The following ASB13 variants were observed in gnomAD, a reference collection of about 807,000 sequenced individuals.
The protein encoded by ASB13 is ankyrin repeat and SOCS box protein 13.
A neutral mutation model predicts 28.8 loss-of-function variants in ASB13; 33 were observed. The ratio of observed to expected loss-of-function variants is 1.15; its 90% CI spans 0.87 to 1.53. The LOEUF is 1.53. ASB13 is among the 40% of genes most tolerant of loss of function. The pLI is 0.00. For missense variants in ASB13, 414 were observed against 390.1 expected (o/e 1.06, Z -0.52); for synonymous variants, 182 against 172.9 (o/e 1.05, Z -0.41).
rs1030860907 is a variant in ASB13 at position 5,661,990 on chromosome 10, C to A, written c.43+4519G>T. On this transcript the variant is annotated intron_variant, in intron 1 of 5. Coordinates refer to ENST00000357700, the MANE Select transcript of ASB13 (RefSeq NM_024701.4). This position sits in a 1 kb window ranked among gnomAD's most constrained non-coding sequence, Gnocchi z 4.9. Reference sequence around the variant, plus strand: ...TGAGGGTGGGCCCTCCACCCTGACCCACCCATAAAGCCGGGCTGGGGCGGG... The same window carrying A: ...TGAGGGTGGGCCCTCCACCCTGACCAACCCATAAAGCCGGGCTGGGGCGGG... Among the ~76,000 whole-genome samples the A allele has an allele frequency of 6.6e-6, 1 of 152,152 alleles. No individual in the cohort carries two copies. The highest frequency in any genetic ancestry group is 1.5e-5 in the Non-Finnish European group (1 of 68,032).
rs998202894 is a variant in ASB13 at position 5,656,348 on chromosome 10, G to A, written c.44-3298C>T. Among the ~76,000 whole-genome samples the A allele has an allele frequency of 6.6e-6, 1 of 152,162 alleles. No individual in the cohort carries two copies. The highest frequency in any genetic ancestry group is 1.5e-5 in the Non-Finnish European group (1 of 68,026). On this transcript the variant is annotated intron_variant, in intron 1 of 5. Coordinates refer to ENST00000357700, the MANE Select transcript of ASB13 (RefSeq NM_024701.4). The surrounding 1 kb of genome is among the most constrained non-coding windows in gnomAD (Gnocchi z 4.3). ...AGGTCAGGAGTTTGAGACCAGCCTG[G>A]CCAACATGGTGAAACCCCATCTCTA...
chr10:5,640,999 C>A, intron 5 of ASB13, among the ~76,000 whole-genome samples, 169 bp from the exon 6 acceptor site: 1 of 152,154 alleles, frequency 6.6e-6, no homozygotes, highest in Admixed American at 6.5e-5. Context: ...AGGAAGGGAG[C>A]CCAGGAAATG....
intron 4 of ASB13, among the ~76,000 whole-genome samples, chr10:5,646,440 T>G (rs1834887031): frequency 6.6e-6 from 1 of 152,192 alleles, no homozygotes. Context: ...CCAGAAGGCT[T>G]AAAACAGGAA....
In ASB13 at chr10:5,641,809, T is replaced by A. The variant is rs373420106; in HGVS notation, c.670A>T (p.Ser224Cys). The change falls in exon 5 of 6, where the codon AGC (serine) becomes TGC (cysteine). Residue 224 changes from serine (S) to cysteine (C), a missense_variant. Ser to Cys is a moderately radical substitution (Grantham distance 112). Coordinates refer to ENST00000357700, the MANE Select transcript of ASB13 (RefSeq NM_024701.4). The surrounding 1 kb of genome is among the most constrained non-coding windows in gnomAD (Gnocchi z 8.4). ...AAGCACTTGGCGGGAGCGCTGCTGC[T>A]CCACGTGTAGTCAGACGGCTTCTTC... ...RGKKPSDYTW[S>C]SSAPAKCFEY... 7 of 1,610,746 alleles carry A rather than the reference T, an allele frequency of 4.3e-6. No homozygotes were observed. Among genetic ancestry groups the A allele is most frequent in the Non-Finnish European group, 5.9e-6 (7 of 1,178,706 alleles).
chr10:5,647,736 T>G lies in ASB13; in HGVS notation c.517+1234A>C, dbSNP rs138210382. Among the ~76,000 whole-genome samples, 262 of 152,308 alleles carry G rather than the reference T, an allele frequency of 1.7e-3. No individual in the cohort carries two copies. The East Asian group carries it at 0.032, about 19-fold the overall frequency. ...CAACCTGCAGCATAGATTCTTCCAG[T>G]GTTACAGATATGTAAACTGAGGCCC... is the stretch of plus-strand genomic sequence containing the variant. On this transcript the variant is annotated intron_variant, in intron 4 of 5. Transcript: ENST00000357700.
In ASB13 at chr10:5,656,282, G is replaced by A. The variant is rs1358298111; in HGVS notation, c.44-3232C>T. ...TGACTGGTCAAGGTGGTTCAAGCCT[G>A]TAATCCCAGCACTTTGGGAGGCCAA... On this transcript the variant is annotated intron_variant, in intron 1 of 5. Coordinates refer to ENST00000357700, the MANE Select transcript of ASB13 (RefSeq NM_024701.4). This position sits in a 1 kb window ranked among gnomAD's most constrained non-coding sequence, Gnocchi z 4.3. Among the ~76,000 whole-genome samples, 1 of 152,240 alleles carries A rather than the reference G, an allele frequency of 6.6e-6. No individual in the cohort carries two copies. The highest frequency in any genetic ancestry group is 2.4e-5 in the African/African-American group (1 of 41,454).
chr10:5,648,874 G>A, intron 4 of ASB13, 96 bp downstream of exon 4: 3 of 1,560,922 alleles, frequency 1.9e-6, no homozygotes, highest in Non-Finnish European at 2.6e-6. Context: ...ACCCACTCGG[G>A]CAAACACCCA....
chr10:5,648,565 C>T (rs566534670), intron 4 of ASB13, among the ~76,000 whole-genome samples: 123 of 77,006 alleles, frequency 1.6e-3, no homozygotes, highest in African/African-American at 7.6e-3. Context: ...TAAACACCCA[C>T]GCAGGCAAAC....
chr10:5,656,968 G>T lies in ASB13; in HGVS notation c.44-3918C>A, dbSNP rs1835085046. 1.3e-5 allele frequency among the ~76,000 whole-genome samples: 2 copies of T among 152,166 alleles called. No homozygotes were observed. The highest frequency in any genetic ancestry group is 4.1e-4 in the South Asian group (2 of 4,830). The stretch of plus-strand genomic sequence containing the variant: ...GTTTGCTGGCTCTCCAGATAAACCT[G>T]CCACCAACTCTTGTCTCTCGTATTT... On this transcript the variant is annotated intron_variant, in intron 1 of 5. Transcript: ENST00000357700. This position sits in a 1 kb window ranked among gnomAD's most constrained non-coding sequence, Gnocchi z 4.3.
At position 5,649,532 on chromosome 10, in the gene ASB13, C is replaced by CTTT. The variant is rs748320784; in HGVS notation, c.383-431_383-429dup. Among the ~76,000 whole-genome samples, 1 of 144,164 alleles carries CTTT rather than the reference C, an allele frequency of 6.9e-6. No homozygotes were observed. The highest frequency in any genetic ancestry group is 1.5e-5 in the Non-Finnish European group (1 of 65,382). The allele number at this position is 144,164 out of a possible 152,430, so 94.6% of individuals were successfully genotyped here. A position where few individuals can be genotyped will look rare whatever the true frequency, so the allele number is the denominator to read the frequency against. On this transcript the variant is annotated intron_variant, in intron 3 of 5. Coordinates refer to ENST00000357700, the MANE Select transcript of ASB13 (RefSeq NM_024701.4). The surrounding 1 kb of genome is among the most constrained non-coding windows in gnomAD (Gnocchi z 6.4). ...ACCACGGCAGCCGCCTCTCCTGCCT[C>CTTT]TTTTTTTTTTTTAGACAAAGTCTCA...
At chr10:5,647,381 C>T (rs1834901129) in intron 4 of ASB13, among the ~76,000 whole-genome samples, 1 of 152,212 alleles carries the variant, frequency 6.6e-6, no homozygotes, top group African/African-American at 2.4e-5. Flanking sequence ...CTAACAGTCA[C>T]TTTGGCTAAA....
chr10:5,649,127 G>A lies in ASB13; in HGVS notation c.383-23C>T, dbSNP rs1302640108. The A allele has an allele frequency of 2.5e-6, 4 of 1,613,790 alleles. No individual in the cohort carries two copies. Among genetic ancestry groups the A allele is most frequent in the Admixed American group, 1.7e-5 (1 of 60,024 alleles). ...TCCCTTAAGATAAATGGAAAAGGGG[G>A]GGAATGTCCTTGAATACGGACACTG... On this transcript the variant is annotated intron_variant, in intron 3 of 5. Coordinates refer to ENST00000357700, the MANE Select transcript of ASB13 (RefSeq NM_024701.4). The surrounding 1 kb of genome is among the most constrained non-coding windows in gnomAD (Gnocchi z 6.4).
rs767000865 is a variant in ASB13 at position 5,642,995 on chromosome 10, G to A, written c.518-1034C>T. Among the ~76,000 whole-genome samples the A allele has an allele frequency of 5.9e-5, 9 of 152,238 alleles. No homozygotes were observed. Among genetic ancestry groups the A allele is most frequent in the East Asian group, 1.9e-4 (1 of 5,186 alleles). ...CTTAGGGCACAGCCATCACTGATCC[G>A]ATACAATGGAATCCCCCAGGGCTTC... is the stretch of plus-strand genomic sequence containing the variant. On this transcript the variant is annotated intron_variant, in intron 4 of 5. Transcript: ENST00000357700. The surrounding 1 kb of genome is among the most constrained non-coding windows in gnomAD (Gnocchi z 4.1).
At position 5,640,735 on chromosome 10, in the gene ASB13, G is replaced by A; in HGVS notation, c.805C>T (p.Pro269Ser). 6.2e-7 allele frequency: 1 copy of A among 1,614,192 alleles called. No homozygotes were observed. The highest frequency in any genetic ancestry group is 8.5e-7 in the Non-Finnish European group (1 of 1,180,038). ...TAGGAGAGGTAATCAATGAGCCGGG[G>A]CGGGATGTTTAACTTGGCAATCTTC... ...LEKIAKLNIP[P>S]RLIDYLSYN The change falls in exon 6 of 6, where the codon CCC becomes TCC. Residue 269 changes from proline (P) to serine (S), a missense_variant. Physicochemically the swap from Pro to Ser is moderately conservative, Grantham distance 74. Coordinates refer to ENST00000357700, the MANE Select transcript of ASB13 (RefSeq NM_024701.4).
chr10:5,659,672 A>G lies in ASB13; in HGVS notation c.44-6622T>C, dbSNP rs1421419249. On this transcript the variant is annotated intron_variant, in intron 1 of 5. Transcript: ENST00000357700. The surrounding 1 kb of genome is among the most constrained non-coding windows in gnomAD (Gnocchi z 5.8). ...AGCATGCAGCCCACCCCCCCACGCC[A>G]TCTCCACACTATTGCCCCACCACCA... Among the ~76,000 whole-genome samples the G allele has an allele frequency of 7.2e-6, 1 of 137,992 alleles. No individual in the cohort carries two copies. The highest frequency in any genetic ancestry group is 2.8e-5 in the African/African-American group (1 of 35,614). 90.5% of individuals were successfully genotyped at this position (137,992 alleles called of 152,430 possible).
chr10:5,666,569 G>A lies in ASB13; in HGVS notation c.-18C>T. 8.7e-7 allele frequency: 1 copy of A among 1,149,964 alleles called. No individual in the cohort carries two copies. The highest frequency in any genetic ancestry group is 1.1e-6 in the Non-Finnish European group (1 of 935,710). 71.2% of individuals were successfully genotyped at this position (1,149,964 alleles called of 1,614,324 possible). The stretch of plus-strand genomic sequence containing the variant: ...GGCTCCATGCGGCTCACCGGCGGCC[G>A]CGCGGCGACTCTGGGCGCCGGGACC... On this transcript the variant is annotated 5_prime_UTR_variant, in exon 1 of 6. Transcript: ENST00000357700.
Position 5,651,238 on chromosome 10 carries a change from G to A in ASB13, c.357C>T (p.Ser119=), listed in dbSNP as rs780383894. 3.1e-6 allele frequency: 5 copies of A among 1,613,186 alleles called. No individual in the cohort carries two copies. In the Admixed American group the frequency reaches 6.7e-5, roughly 22 times the overall value. ...AKVNPPLYTA[S]PLHEACMSGS... is the part of the protein sequence containing the mutation. The stretch of plus-strand genomic sequence containing the variant: ...CGCTCATGCAGGCCTCGTGCAGGGG[G>A]GACGCTGTGTACAGGGGAGGGTTGA... The change falls in exon 3 of 6, where the codon TCC becomes TCT. Residue 119 remains serine, a synonymous_variant. Transcript: ENST00000357700. The surrounding 1 kb of genome is among the most constrained non-coding windows in gnomAD (Gnocchi z 5.1).
intron 1 of ASB13, among the ~76,000 whole-genome samples, chr10:5,657,922 C>T (rs2131455006): frequency 6.6e-6 from 1 of 151,424 alleles, no homozygotes; most frequent in African/African-American, 2.4e-5. Flanking sequence ...CCGAGGCGGG[C>T]AGATCACTTG....
Position 5,659,175 on chromosome 10 carries a change from G to A in ASB13, c.44-6125C>T, listed in dbSNP as rs1028888472. On this transcript the variant is annotated intron_variant, in intron 1 of 5. Transcript: ENST00000357700. This position sits in a 1 kb window ranked among gnomAD's most constrained non-coding sequence, Gnocchi z 5.8. ...GCCAGGCTCCCTGTGGTGGCAAGAC[G>A]CCCCCCCTCCCCAATCCCTGCACCC... is the stretch of plus-strand genomic sequence containing the variant. 6.6e-6 allele frequency among the ~76,000 whole-genome samples: 1 copy of A among 151,952 alleles called. No individual in the cohort carries two copies. The highest frequency in any genetic ancestry group is 1.5e-5 in the Non-Finnish European group (1 of 67,976).
Sources: allele counts gnomAD v4.1 joint callset (sites outside exome capture counted in the v4.1 genomes callset), GRCh38; gene constraint gnomAD v4.1.1; non-coding constraint Gnocchi (gnomAD v3.1); transcripts MANE v1.5; gene names NCBI Gene and HGNC (gene_info 2026-07-23, HGNC 2026-07-21).